Variants in SRGAP3 observed in about 807,000 individuals in gnomAD.
The protein encoded by SRGAP3 is SLIT-ROBO Rho GTPase activating protein 3.
SRGAP3 carries 39 observed loss-of-function variants against 121.1 expected under a neutral mutation model. The ratio of observed to expected loss-of-function variants is 0.32; its 90% CI spans 0.25 to 0.42. The LOEUF is 0.42. SRGAP3 is among the 10% of genes least tolerant of loss of function. The pLI, the probability that SRGAP3 is intolerant of heterozygous loss-of-function variation, is 1.00. For synonymous variants in SRGAP3, 601 were observed against 570.0 expected, an observed-to-expected ratio of 1.05 and a Z score of -0.77; for missense variants, 1,213 against 1,470.6, an observed-to-expected ratio of 0.82 and a Z score of 2.86.
At chr3:9,258,658 C>T (rs1954185750) in intron 3 of SRGAP3, among the ~76,000 whole-genome samples, 1 of 152,220 alleles carries the variant, frequency 6.6e-6, no homozygotes, top group Non-Finnish European at 1.5e-5. Context: ...TAGCTCTCTG[C>T]ATCCTCTTAT....
intron 3 of SRGAP3, chr3:9,081,316 G>C: frequency 2.2e-6 from 1 of 456,144 alleles, no homozygotes; most frequent in Non-Finnish European, 4.4e-6. Context: ...TTCCAATGAG[G>C]AACAGGAGAA....
At chr3:8,994,620 G>A (rs1380076456) in intron 18 of SRGAP3, 97 bp from the exon 19 acceptor site, 3 of 1,485,964 alleles carry the variant, frequency 2.0e-6, no homozygotes, top group Non-Finnish European at 2.8e-6. Flanking sequence ...GGGAAGGATA[G>A]ACTGCACAGC....
At chr3:9,236,244 C>T (rs1173580729) in intron 1 of SRGAP3, 1 of 176,764 alleles carries the variant, frequency 5.7e-6, no homozygotes, top group Non-Finnish European at 1.2e-5. Context: ...CTTAAAAGAT[C>T]CTTCTTCTAT....
intron 3 of SRGAP3, among the ~76,000 whole-genome samples, chr3:9,318,340 T>G (rs1281207252): frequency 6.6e-6 from 1 of 151,888 alleles, no homozygotes; most frequent in Non-Finnish European, 1.5e-5. Context: ...ATGTCCTTTC[T>G]GCTCCACAGG....
chr3:9,149,628 T>A (rs890493503), intron 1 of SRGAP3, among the ~76,000 whole-genome samples: 4 of 152,190 alleles, frequency 2.6e-5, no homozygotes, highest in African/African-American at 7.2e-5. Flanking sequence ...AGCACATGTC[T>A]GGGCTGGCCT....
intron 2 of SRGAP3, 98 bp downstream of exon 2, chr3:9,124,627 C>G (rs1949148100): frequency 1.3e-6 from 2 of 1,501,764 alleles, no homozygotes; most frequent in African/African-American, 2.7e-5. Context: ...CCCTCTGCCT[C>G]CAATGAAGCT....
intron 21 of SRGAP3, 84 bp from the exon 22 acceptor site, chr3:8,986,016 A>AG: frequency 4.4e-6 from 7 of 1,591,784 alleles, no homozygotes; most frequent in Non-Finnish European, 6.0e-6. Context: ...TTCCCTTCGT[A>AG]GGCAGGTTCC....
chr3:9,299,880 G>A (rs768423344), intron 3 of SRGAP3, among the ~76,000 whole-genome samples: 21 of 152,012 alleles, frequency 1.4e-4, no homozygotes, highest in Non-Finnish European at 2.8e-4. Flanking sequence ...ACTCTAGCCT[G>A]GGCGACAGAG....
chr3:9,354,462 G>A (rs1395457584), intron 1 of SRGAP3, among the ~76,000 whole-genome samples: 3 of 152,032 alleles, frequency 2.0e-5, no homozygotes, highest in Non-Finnish European at 4.4e-5. Flanking sequence ...GGTGGATCAC[G>A]AGGTTAGGAG....
chr3:9,253,680 A>G (rs572895030), upstream of SRGAP3, among the ~76,000 whole-genome samples: 1 of 152,344 alleles, frequency 6.6e-6, no homozygotes, highest in East Asian at 1.9e-4. Context: ...CCTGCTCTGC[A>G]AAATGAAAGC....
At chr3:9,117,222 C>T (rs1948837904) in intron 2 of SRGAP3, among the ~76,000 whole-genome samples, 1 of 152,210 alleles carries the variant, frequency 6.6e-6, no homozygotes, top group Admixed American at 6.5e-5. Context: ...CTCCTTTTCA[C>T]ATTTATATGC....
chr3:9,133,034 TTA>T (rs1194811220), intron 1 of SRGAP3, among the ~76,000 whole-genome samples: 5 of 148,744 alleles, frequency 3.4e-5, no homozygotes, highest in East Asian at 1.9e-4. Context: ...ATTATTTATA[TTA>T]TATGATATAT....
chr3:9,180,598 G>T (rs536905340), intron 1 of SRGAP3, among the ~76,000 whole-genome samples: 1 of 152,236 alleles, frequency 6.6e-6, no homozygotes, highest in Admixed American at 6.5e-5. Context: ...GAAGGCGTGG[G>T]CAAAAGCCAT....
At position 8,981,240 on chromosome 3, in the gene SRGAP3, G is replaced by A. The variant is rs1941403570; in HGVS notation, c.*4279C>T. On this transcript the variant is annotated 3_prime_UTR_variant, in exon 22 of 22. Coordinates refer to ENST00000383836, the MANE Select transcript of SRGAP3 (RefSeq NM_014850.4). Reference sequence around the variant, plus strand: ...GGAGAGGAGACCCCAGAGAACCGGGGAAGTTGACATGAAATGTCAGCATTA... The same window carrying A: ...GGAGAGGAGACCCCAGAGAACCGGGAAAGTTGACATGAAATGTCAGCATTA... 4.3e-6 allele frequency: 1 copy of A among 232,950 alleles called. No homozygotes were observed. The highest frequency in any genetic ancestry group is 6.0e-5 in the East Asian group (1 of 16,530). The allele number at this position is 232,950 out of a possible 1,614,324, so 14.4% of individuals were successfully genotyped here. A position where few individuals can be genotyped will look rare whatever the true frequency, so the allele number is the denominator to read the frequency against.
intron 1 of SRGAP3, among the ~76,000 whole-genome samples, chr3:9,187,166 T>C (rs1021950054): frequency 8.2e-5 from 11 of 134,728 alleles, no homozygotes; most frequent in African/African-American, 5.5e-5. Context: ...CCTGTGTCCA[T>C]GTGTTCTCAT....
At chr3:9,122,519 C>T (rs2664119) in intron 2 of SRGAP3, among the ~76,000 whole-genome samples, 80,251 of 151,486 alleles carry the variant, frequency 0.53, 21,418 homozygotes, top group Non-Finnish European at 0.57. Flanking sequence ...ACCATCCTGG[C>T]TAACATGGTG....
intron 1 of SRGAP3, among the ~76,000 whole-genome samples, chr3:9,340,352 A>G (rs1955764882): frequency 6.6e-6 from 1 of 152,186 alleles, no homozygotes; most frequent in Non-Finnish European, 1.5e-5. Context: ...TAAATAATAA[A>G]CAGTGACAGA....
intron 14 of SRGAP3, among the ~76,000 whole-genome samples, chr3:9,016,269 C>G (rs1183768150): frequency 6.6e-6 from 1 of 152,174 alleles, no homozygotes; most frequent in Non-Finnish European, 1.5e-5. Flanking sequence ...AACATTCACA[C>G]AATTCATTTG....
chr3:9,139,040 C>A (rs1227760720), intron 1 of SRGAP3, among the ~76,000 whole-genome samples: 1 of 152,138 alleles, frequency 6.6e-6, no homozygotes, highest in Non-Finnish European at 1.5e-5. Context: ...AGACCCACAC[C>A]CCAAAGCTGT....
Sources: allele counts gnomAD v4.1 joint callset (sites outside exome capture counted in the v4.1 genomes callset), GRCh38; gene constraint gnomAD v4.1.1; transcripts MANE v1.5; gene names NCBI Gene and HGNC (gene_info 2026-07-23, HGNC 2026-07-21).